Variants in GRXCR2 observed in about 807,000 individuals in gnomAD.
GRXCR2 encodes glutaredoxin and cysteine rich domain containing 2, also known as glutaredoxin domain-containing cysteine-rich protein 2.
Under a neutral mutation model 24.8 loss-of-function variants are expected in GRXCR2, and 23 were observed. The ratio of observed to expected loss-of-function variants is 0.93; its 90% CI spans 0.67 to 1.32. GRXCR2 has a LOEUF of 1.32. Among genes scored for constraint, GRXCR2 ranks in the 40% most tolerant of loss-of-function variants. GRXCR2 has a pLI of 0.00. For synonymous variants in GRXCR2, 130 were observed against 116.1 expected (o/e 1.12, Z -0.77); for missense variants, 315 against 303.4 (o/e 1.04, Z -0.28).
chr5:145,893,570 C>G (rs9717146), intron 2 of GRXCR2, among the ~76,000 whole-genome samples: 2,169 of 152,310 alleles, frequency 0.014, 54 homozygotes, highest in African/African-American at 0.05. Flanking sequence ...ATCAATTCAA[C>G]AAGAAGAGCT....
chr5:145,908,727 T>C (rs182596674), intron 2 of GRXCR2, among the ~76,000 whole-genome samples: 39 of 152,300 alleles, frequency 2.6e-4, no homozygotes, highest in Non-Finnish European at 4.4e-5. Context: ...AATCAGAAGA[T>C]CTGGCTTCCA....
chr5:145,914,954 G>A (rs1757216954), intron 2 of GRXCR2, among the ~76,000 whole-genome samples: 1 of 152,170 alleles, frequency 6.6e-6, no homozygotes, highest in Non-Finnish European at 1.5e-5. Context: ...AGAGAGGCGT[G>A]GGGACTTGCA....
At chr5:145,892,283 G>A (rs181163176) in intron 2 of GRXCR2, among the ~76,000 whole-genome samples, 23 of 152,358 alleles carry the variant, frequency 1.5e-4, no homozygotes, top group African/African-American at 4.6e-4. Flanking sequence ...GCTAGATGGA[G>A]AATGACTTTA....
chr5:145,860,767 C>G (rs1476936495), intron 2 of GRXCR2, among the ~76,000 whole-genome samples: 2 of 152,078 alleles, frequency 1.3e-5, no homozygotes, highest in Non-Finnish European at 2.9e-5. Context: ...TTAGCCTCTC[C>G]CAATCTGTTT....
At chr5:145,898,373 G>T (rs1160375538) in intron 2 of GRXCR2, among the ~76,000 whole-genome samples, 1 of 151,574 alleles carries the variant, frequency 6.6e-6, no homozygotes, top group African/African-American at 2.4e-5. Context: ...GGAAAAGCTG[G>T]CACCACATCA....
At chr5:145,900,062 C>CA (rs1757003802) in intron 2 of GRXCR2, among the ~76,000 whole-genome samples, 1 of 151,898 alleles carries the variant, frequency 6.6e-6, no homozygotes, top group Non-Finnish European at 1.5e-5. Context: ...ATGGAGCAAG[C>CA]AAAAAACAAC....
intron 2 of GRXCR2, among the ~76,000 whole-genome samples, chr5:145,909,522 T>C (rs1421150072): frequency 1.3e-5 from 2 of 152,228 alleles, no homozygotes; most frequent in Non-Finnish European, 2.9e-5. Context: ...AAGCAGTCTC[T>C]ATTGCCCCCC....
rs1225872684 is a variant in GRXCR2, at chr5:145,865,169, T to G, written c.564+1332A>C. On this transcript the variant is annotated intron_variant, in intron 2 of 2. Coordinates refer to ENST00000377976, the MANE Select transcript of GRXCR2 (RefSeq NM_001080516.2). ...CATCACTCAAGTTCCAGAAAGCCCC[T>G]GACCAATTTTTTCATAGCAATCCCA... Among the ~76,000 whole-genome samples the G allele has an allele frequency of 2.6e-5, 4 of 151,688 alleles. No homozygotes were observed. The East Asian group carries it at 5.8e-4, about 22-fold the overall frequency.
At chr5:145,881,894 A>G (rs1756707745) in intron 2 of GRXCR2, among the ~76,000 whole-genome samples, 1 of 152,228 alleles carries the variant, frequency 6.6e-6, no homozygotes, top group South Asian at 2.1e-4. Context: ...ATCTTTGACA[A>G]ACTTGACAAA....
At chr5:145,864,749 T>C (rs1012738145) in intron 2 of GRXCR2, among the ~76,000 whole-genome samples, 3 of 152,158 alleles carry the variant, frequency 2.0e-5, no homozygotes, top group Non-Finnish European at 2.9e-5. Context: ...TTAAACCTCC[T>C]TTGTTTATGT....
At chr5:145,861,359 G>T (rs1451106529) in intron 2 of GRXCR2, among the ~76,000 whole-genome samples, 1 of 152,146 alleles carries the variant, frequency 6.6e-6, no homozygotes, top group East Asian at 1.9e-4. Flanking sequence ...TAAATTTTTT[G>T]TCACTTCTTT....
chr5:145,875,277 C>T (rs1756596186), upstream of GRXCR2, among the ~76,000 whole-genome samples: 2 of 152,284 alleles, frequency 1.3e-5, no homozygotes, highest in South Asian at 2.1e-4. Context: ...TGGCTGGGCG[C>T]GGTGGCTCAC....
At chr5:145,877,897 C>G (rs1293347595), upstream of GRXCR2, among the ~76,000 whole-genome samples, 1 of 152,234 alleles carries the variant, frequency 6.6e-6, no homozygotes, top group Admixed American at 6.5e-5. Flanking sequence ...GATACCCAGG[C>G]AAACAGGGTC....
At chr5:145,857,960 G>A (rs944090407), downstream of GRXCR2, among the ~76,000 whole-genome samples, 1 of 152,162 alleles carries the variant, frequency 6.6e-6, no homozygotes, top group African/African-American at 2.4e-5. Flanking sequence ...AAGCACTTTG[G>A]AATACTGTCC....
chr5:145,872,573 C>A, intron 1 of GRXCR2, 60 bp downstream of exon 1: 2 of 1,417,584 alleles, frequency 1.4e-6, no homozygotes, highest in Non-Finnish European at 1.9e-6. Context: ...TTAGGAGTTT[C>A]TCTAAACACG....
At chr5:145,893,198 T>C (rs570586875) in intron 2 of GRXCR2, among the ~76,000 whole-genome samples, 19 of 152,200 alleles carry the variant, frequency 1.2e-4, no homozygotes, top group African/African-American at 4.6e-4. Flanking sequence ...GTAAAGACCA[T>C]CAAGGCTAGG....
intron 2 of GRXCR2, among the ~76,000 whole-genome samples, chr5:145,912,864 G>A (rs1757185688): frequency 6.6e-6 from 1 of 152,062 alleles, no homozygotes; most frequent in African/African-American, 2.4e-5. Context: ...AGTAGGGCCA[G>A]CTCATGCGGG....
intron 2 of GRXCR2, among the ~76,000 whole-genome samples, chr5:145,899,284 CA>C (rs1215857495): frequency 2.6e-5 from 4 of 152,092 alleles, no homozygotes; most frequent in African/African-American, 9.7e-5. Flanking sequence ...AAAAACATTC[CA>C]TACTCATGGA....
chr5:145,872,257 C>A (rs901660343), intron 1 of GRXCR2, among the ~76,000 whole-genome samples: 6 of 150,448 alleles, frequency 4.0e-5, no homozygotes, highest in Admixed American at 6.6e-5. Flanking sequence ...TGAGCACTTT[C>A]AAATACTCAG....
Sources: allele counts gnomAD v4.1 joint callset (sites outside exome capture counted in the v4.1 genomes callset), GRCh38; gene constraint gnomAD v4.1.1; transcripts MANE v1.5; gene names NCBI Gene and HGNC (gene_info 2026-07-23, HGNC 2026-07-21).